PJA2: variants seen among roughly 807,000 people sequenced by gnomAD.
PJA2 encodes E3 ubiquitin-protein ligase Praja-2.
PJA2 carries 25 observed loss-of-function variants against 69.3 expected under a neutral mutation model. The ratio of observed to expected loss-of-function variants is 0.36; its 90% CI spans 0.26 to 0.50. PJA2 has a LOEUF of 0.50. PJA2 is among the 20% of genes least tolerant of loss of function. The probability of loss-of-function intolerance (pLI) is 0.96; values close to 1 mark genes in which losing one functional copy is unlikely to be tolerated. For synonymous variants in PJA2, 308 were observed against 277.8 expected, an observed-to-expected ratio of 1.11 and a Z score of -1.08; for missense variants, 809 against 830.2, an observed-to-expected ratio of 0.97 and a Z score of 0.31.
intron 3 of PJA2, among the ~76,000 whole-genome samples, chr5:109,380,878 C>A (rs1747029389): frequency 6.6e-6 from 1 of 150,660 alleles, no homozygotes; most frequent in Non-Finnish European, 1.5e-5. Flanking sequence ...GGAAGCCAGC[C>A]AAGACAGGTG....
At chr5:109,345,254 G>GCTGA (rs1368145948) in intron 7 of PJA2, among the ~76,000 whole-genome samples, 1 of 151,370 alleles carries the variant, frequency 6.6e-6, no homozygotes, top group African/African-American at 2.4e-5. Context: ...TACTTGGGAG[G>GCTGA]CTGAGGCAGG....
At chr5:109,342,429 A>G (rs1209577587) in intron 9 of PJA2, among the ~76,000 whole-genome samples, 5 of 80,130 alleles carry the variant, frequency 6.2e-5, no homozygotes, top group Non-Finnish European at 7.0e-5. Context: ...GGAGGTGGGG[A>G]TGTCGGCCCC....
At chr5:109,347,180 A>G (rs927857132) in intron 7 of PJA2, among the ~76,000 whole-genome samples, 2 of 152,280 alleles carry the variant, frequency 1.3e-5, no homozygotes, top group African/African-American at 4.8e-5. Flanking sequence ...CTGCAAAAAG[A>G]AAGAAACACT....
chr5:109,343,453 A>G (rs1045661052), intron 9 of PJA2, among the ~76,000 whole-genome samples: 4 of 151,666 alleles, frequency 2.6e-5, no homozygotes, highest in Non-Finnish European at 5.9e-5. Context: ...AGTATCTCTC[A>G]TATACATTTC....
chr5:109,344,601 A>T, intron 8 of PJA2, 104 bp downstream of exon 8: 1 of 801,948 alleles, frequency 1.2e-6, no homozygotes, highest in Non-Finnish European at 1.9e-6. Context: ...AAAAAAATCT[A>T]GTGAAAGTTT....
intron 1 of PJA2, among the ~76,000 whole-genome samples, chr5:109,406,325 C>A (rs1418141689): frequency 2.6e-5 from 4 of 152,320 alleles, no homozygotes; most frequent in Non-Finnish European, 2.9e-5. Context: ...CAGGCGTGAG[C>A]CACCGCGCCA....
At chr5:109,364,390 G>C (rs562839717) in intron 5 of PJA2, among the ~76,000 whole-genome samples, 1 of 151,850 alleles carries the variant, frequency 6.6e-6, no homozygotes, top group Non-Finnish European at 1.5e-5. Context: ...TTGGGAGGCC[G>C]AGGCGGGCGG....
intron 1 of PJA2, among the ~76,000 whole-genome samples, chr5:109,391,461 G>A (rs1461301965): frequency 3.3e-5 from 5 of 152,014 alleles, no homozygotes; most frequent in Non-Finnish European, 7.4e-5. Context: ...ATATTCAAAT[G>A]AGAATAGTAT....
intron 4 of PJA2, among the ~76,000 whole-genome samples, chr5:109,372,923 A>AAAAAAAAAAAAAAAAAAAAAAAG (rs1272538036): frequency 1.4e-4 from 19 of 136,864 alleles, no homozygotes; most frequent in South Asian, 4.8e-4. Flanking sequence ...AAAAAAAAAA[A>AAAAAAAAAAAAAAAAAAAAAAAG]AAAGAAAGAA....
chr5:109,369,779 T>C (rs756959330), intron 4 of PJA2, among the ~76,000 whole-genome samples: 3 of 152,136 alleles, frequency 2.0e-5, no homozygotes, highest in Non-Finnish European at 2.9e-5. Flanking sequence ...CACCTATAAA[T>C]CCCAGCACTT....
At chr5:109,396,303 C>CTTTCCATTATTTACTTTCCATAATT (rs1236026853) in intron 1 of PJA2, among the ~76,000 whole-genome samples, 16 of 151,980 alleles carry the variant, frequency 1.1e-4, no homozygotes, top group African/African-American at 3.4e-4. Context: ...AAATAATTTA[C>CTTTCCATTATTTACTTTCCATAATT]TAAGCCTTAT....
chr5:109,344,599 C>A, intron 8 of PJA2, 106 bp downstream of exon 8: 1 of 793,982 alleles, frequency 1.3e-6, no homozygotes, highest in Non-Finnish European at 1.9e-6. Flanking sequence ...TAAAAAAAAT[C>A]TAGTGAAAGT....
In PJA2 at chr5:109,342,524, G is replaced by GC. The variant is rs1293352799; in HGVS notation, c.2001+1665_2001+1666insG. ...AGCCACCCCGTCCGGGAGGGAGGTGGGGGGGGTCAGCTCCCCCACCCGGCC... is the reference window on the plus strand; with the variant it reads ...AGCCACCCCGTCCGGGAGGGAGGTGGCGGGGGGTCAGCTCCCCCACCCGGCC... On this transcript the variant is annotated intron_variant, in intron 9 of 9. Transcript: ENST00000361189. 3.2e-5 allele frequency among the ~76,000 whole-genome samples: 4 copies of GC among 125,340 alleles called. 1 individual carries two copies. The highest frequency in any genetic ancestry group is 6.4e-5 in the African/African-American group (2 of 31,494). The allele number at this position is 125,340 out of a possible 152,430, so 82.2% of individuals were successfully genotyped here. A position where few individuals can be genotyped will look rare whatever the true frequency, so the allele number is the denominator to read the frequency against.
At chr5:109,409,646 G>A (rs1457134804) in intron 1 of PJA2, among the ~76,000 whole-genome samples, 196 bp downstream of exon 1, 1 of 152,002 alleles carries the variant, frequency 6.6e-6, no homozygotes, top group African/African-American at 2.4e-5. Context: ...ACAGGGCCCA[G>A]GAGGCGAAGA....
chr5:109,358,551 C>T (rs997806658), intron 6 of PJA2, among the ~76,000 whole-genome samples: 6 of 152,258 alleles, frequency 3.9e-5, no homozygotes, highest in East Asian at 1.9e-4. Flanking sequence ...CCCAGCCAAG[C>T]GGGTCTCAGC....
chr5:109,377,433 A>AT (rs1325948129), intron 4 of PJA2, among the ~76,000 whole-genome samples: 4 of 151,996 alleles, frequency 2.6e-5, no homozygotes, highest in African/African-American at 7.2e-5. Context: ...GAAATTCTCC[A>AT]TTTTTTTCTT....
chr5:109,378,425 T>C lies in PJA2; in HGVS notation c.1062A>G (p.Glu354=), dbSNP rs1225678744. The stretch of plus-strand genomic sequence containing the variant: ...TTATTAAGAGGTCATCTGAGCCACT[T>C]TCCTCAACTTCCAAAGCCTCTCTCC... ...QRWREALEVE[E]SGSDDLLIKC... is the part of the protein sequence containing the mutation. Residue 354 remains glutamate, a synonymous_variant, in exon 4 of 10, where the codon GAA becomes GAG. Coordinates refer to ENST00000361189, the MANE Select transcript of PJA2 (RefSeq NM_014819.5). 6.2e-7 allele frequency: 1 copy of C among 1,614,176 alleles called. No individual in the cohort carries two copies. The highest frequency in any genetic ancestry group is 1.3e-5 in the African/African-American group (1 of 75,066).
At chr5:109,378,098 G>A in intron 4 of PJA2, 106 bp downstream of exon 4, 1 of 762,136 alleles carries the variant, frequency 1.3e-6, no homozygotes, top group South Asian at 1.9e-5. Context: ...AAGTCAAAAT[G>A]TCTAATTCCC....
intron 7 of PJA2, among the ~76,000 whole-genome samples, chr5:109,353,989 A>T (rs1337836732): frequency 1.3e-5 from 1 of 78,122 alleles, no homozygotes; most frequent in East Asian, 2.3e-4. Flanking sequence ...TAGATTAGAT[A>T]GATATCTAGA....
Sources: gnomAD v4.1 joint callset for allele counts (sites outside exome capture counted in the v4.1 genomes callset) on GRCh38, gnomAD v4.1.1 for gene constraint, MANE v1.5 for transcripts, NCBI Gene and HGNC (gene_info 2026-07-23, HGNC 2026-07-21) for gene names.